Variants in TMEM131L observed in about 807,000 individuals in gnomAD.
TMEM131L encodes the protein transmembrane protein 131-like.
In TMEM131L, 54 loss-of-function variants were observed where a neutral mutation model predicts 192.2. The observed-to-expected ratio is 0.28, with a 90% CI of 0.23 to 0.35. The LOEUF (loss-of-function observed/expected upper bound fraction) is 0.35. Among genes scored for constraint, TMEM131L ranks in the 10% least tolerant of loss-of-function variants. The pLI is 1.00. For missense variants in TMEM131L, 1,888 were observed against 1,972.9 expected (o/e 0.96, Z 0.82); for synonymous variants, 701 against 704.9 (o/e 0.99, Z 0.09).
At chr4:153,552,943 G>A (rs1461577094) in intron 4 of TMEM131L, among the ~76,000 whole-genome samples, 1 of 120,768 alleles carries the variant, frequency 8.3e-6, no homozygotes, top group African/African-American at 4.4e-5. Flanking sequence ...GTTATTTTTT[G>A]TGTTTTTTTT....
chr4:153,540,889 T>C (rs906314933), intron 3 of TMEM131L, among the ~76,000 whole-genome samples: 11 of 152,270 alleles, frequency 7.2e-5, no homozygotes, highest in South Asian at 2.1e-4. Context: ...CTGCTTAGGG[T>C]TCGTGTGAAT....
chr4:153,573,235 G>A (rs1463623125), intron 7 of TMEM131L, among the ~76,000 whole-genome samples: 16 of 152,234 alleles, frequency 1.1e-4, no homozygotes, highest in South Asian at 2.1e-4. Flanking sequence ...AACCACCACA[G>A]CGTCCTTTCT....
chr4:153,616,264 T>G (rs1732968587), intron 26 of TMEM131L, among the ~76,000 whole-genome samples: 1 of 152,190 alleles, frequency 6.6e-6, no homozygotes, highest in Non-Finnish European at 1.5e-5. Flanking sequence ...GGGCAGTGGT[T>G]TGTCATTTCT....
chr4:153,471,013 G>A lies in TMEM131L; in HGVS notation c.196-2832G>A, dbSNP rs1181857975. Among the ~76,000 whole-genome samples the A allele has an allele frequency of 6.0e-5, 9 of 149,940 alleles. No homozygotes were observed. The East Asian group carries it at 9.7e-4, about 16-fold the overall frequency. ...TTTTCTTTTTTTTTTTTGAGACTGA[G>A]TGTTGCTCTTGTCGCCTAGGCTGGA... On this transcript the variant is annotated intron_variant, in intron 2 of 34. Transcript: ENST00000409959.
intron 11 of TMEM131L, 110 bp downstream of exon 11, chr4:153,583,782 G>A: frequency 3.0e-6 from 2 of 668,828 alleles, no homozygotes; most frequent in Non-Finnish European, 5.2e-6. Flanking sequence ...TGAAGGGAAT[G>A]CGTTTGATTT....
intron 7 of TMEM131L, among the ~76,000 whole-genome samples, chr4:153,566,501 C>T (rs1018316399): frequency 7.0e-6 from 1 of 142,114 alleles, no homozygotes; most frequent in Non-Finnish European, 1.5e-5. Context: ...GTAGTTTTGT[C>T]TTTGTGTGTG....
At chr4:153,632,983 T>C in intron 32 of TMEM131L, 145 bp downstream of exon 32, 2 of 837,640 alleles carry the variant, frequency 2.4e-6, no homozygotes, top group Non-Finnish European at 3.6e-6. Context: ...TCCTTCTGCC[T>C]TTTAGAGTTG....
chr4:153,605,674 A>G (rs941774047), intron 25 of TMEM131L, among the ~76,000 whole-genome samples: 2 of 152,210 alleles, frequency 1.3e-5, no homozygotes, highest in Non-Finnish European at 2.9e-5. Context: ...ATTTTTGACA[A>G]TTTTTAATCT....
intron 3 of TMEM131L, among the ~76,000 whole-genome samples, chr4:153,545,148 G>T (rs574068686): frequency 6.6e-6 from 1 of 152,086 alleles, no homozygotes; most frequent in Non-Finnish European, 1.5e-5. Flanking sequence ...AAGGATCTTG[G>T]AGTCATCCAA....
rs72729661 is a variant in TMEM131L, at chr4:153,472,851, A to T, written c.196-994A>T. 3.8e-3 allele frequency among the ~76,000 whole-genome samples: 580 copies of T among 152,322 alleles called. 1 individual carries two copies. Among genetic ancestry groups the T allele is most frequent in the Non-Finnish European group, 6.5e-3 (445 of 68,028 alleles). The stretch of plus-strand genomic sequence containing the variant: ...GTCCCTGCCCTTTGTGGTTGGCAAG[A>T]TCAGACTGGTAATACCCTGGGACCA... On this transcript the variant is annotated intron_variant, in intron 2 of 34. Transcript: ENST00000409959.
At chr4:153,624,178 G>T (rs1272695481) in intron 29 of TMEM131L, among the ~76,000 whole-genome samples, 1 of 150,900 alleles carries the variant, frequency 6.6e-6, no homozygotes, top group East Asian at 1.9e-4. Flanking sequence ...GAGTGCAGTG[G>T]TGGGATCTCG....
chr4:153,529,725 G>C (rs1031436417), intron 3 of TMEM131L, among the ~76,000 whole-genome samples: 1 of 152,182 alleles, frequency 6.6e-6, no homozygotes, highest in African/African-American at 2.4e-5. Flanking sequence ...CTTGTGATAG[G>C]AATGATTTCA....
chr4:153,487,027 C>T (rs1732387913), intron 3 of TMEM131L, among the ~76,000 whole-genome samples: 1 of 152,184 alleles, frequency 6.6e-6, no homozygotes, highest in Non-Finnish European at 1.5e-5. Flanking sequence ...GCTAGACTGG[C>T]CGGTTCTCAG....
intron 19 of TMEM131L, among the ~76,000 whole-genome samples, chr4:153,595,390 C>A (rs1384003621): frequency 6.6e-6 from 1 of 152,128 alleles, no homozygotes; most frequent in Non-Finnish European, 1.5e-5. Flanking sequence ...ATTCAGTATT[C>A]ATATTACCTG....
rs1730001502 is a variant in TMEM131L, at chr4:153,577,083, A to G, written c.661-3743A>G. Among the ~76,000 whole-genome samples, 4 of 152,278 alleles carry G rather than the reference A, an allele frequency of 2.6e-5. No individual in the cohort carries two copies. In the South Asian group the frequency reaches 8.3e-4, roughly 32 times the overall value. ...GGGTATTTAAGCCAGGACATGAAGCATAAATCAGATTTAGCTAGGTGGAGA... is the reference window on the plus strand; with the variant it reads ...GGGTATTTAAGCCAGGACATGAAGCGTAAATCAGATTTAGCTAGGTGGAGA... On this transcript the variant is annotated intron_variant, in intron 7 of 34. Coordinates refer to ENST00000409959, the MANE Select transcript of TMEM131L (RefSeq NM_001131007.2).
chr4:153,559,940 C>T (rs1728737112), intron 7 of TMEM131L, among the ~76,000 whole-genome samples: 1 of 152,054 alleles, frequency 6.6e-6, no homozygotes, highest in South Asian at 2.1e-4. Context: ...AAGAGCCTTC[C>T]CCCGCTCACT....
chr4:153,584,767 A>C (rs1027053450), intron 11 of TMEM131L, 68 bp from the exon 12 acceptor site: 2 of 1,043,302 alleles, frequency 1.9e-6, no homozygotes, highest in East Asian at 5.0e-5. Context: ...TAAGACATAT[A>C]TCTTTTGTTC....
At position 153,557,173 on chromosome 4, in the gene TMEM131L, T is replaced by G. The variant is rs575080003; in HGVS notation, c.549+91T>G. ...ATTTTTAAAAAGACTTTTGGAAATG[T>G]TGTCACCTGGTTTATGTCGTTAAAA... On this transcript the variant is annotated intron_variant, in intron 6 of 34. Transcript: ENST00000409959. 4.8e-5 allele frequency: 33 copies of G among 683,950 alleles called. No individual in the cohort carries two copies. The East Asian group carries it at 8.7e-4, about 18-fold the overall frequency. The allele number at this position is 683,950 out of a possible 1,614,324, so 42.4% of individuals were successfully genotyped here. A position where few individuals can be genotyped will look rare whatever the true frequency, so the allele number is the denominator to read the frequency against.
chr4:153,533,381 T>C (rs1446722778), intron 3 of TMEM131L, among the ~76,000 whole-genome samples: 3 of 152,176 alleles, frequency 2.0e-5, no homozygotes, highest in Non-Finnish European at 4.4e-5. Context: ...GCAGCAGCAG[T>C]GGCGGAGGGG....
Sources: allele counts gnomAD v4.1 joint callset (sites outside exome capture counted in the v4.1 genomes callset), GRCh38; gene constraint gnomAD v4.1.1; transcripts MANE v1.5; gene names NCBI Gene and HGNC (gene_info 2026-07-23, HGNC 2026-07-21).